The following C10orf90 variants were observed in gnomAD, a reference collection of about 807,000 sequenced individuals.
C10orf90 encodes the protein (E2-independent) E3 ubiquitin-conjugating enzyme FATS.
A neutral mutation model predicts 62.5 loss-of-function variants in C10orf90; 56 were observed. The observed-to-expected ratio is 0.90, with a 90% CI of 0.72 to 1.12. C10orf90 has a LOEUF of 1.12. Ranked by LOEUF, C10orf90 falls within the 50% of genes most tolerant of loss-of-function variation. The probability of loss-of-function intolerance (pLI) is 0.00; values close to 1 mark genes in which losing one functional copy is unlikely to be tolerated. For missense variants in C10orf90, 970 were observed against 880.4 expected, an observed-to-expected ratio of 1.10 and a Z score of -1.29; for synonymous variants, 386 against 340.4, an observed-to-expected ratio of 1.13 and a Z score of -1.47.
intron 2 of C10orf90, among the ~76,000 whole-genome samples, chr10:126,596,822 G>T (rs1845096335): frequency 6.6e-6 from 1 of 152,214 alleles, no homozygotes; most frequent in South Asian, 2.1e-4. Context: ...ACCATCATAA[G>T]TTGGGGACTG....
chr10:126,491,542 G>A lies in C10orf90; in HGVS notation c.1534+12415C>T, dbSNP rs4497314. 5.9e-3 allele frequency among the ~76,000 whole-genome samples: 904 copies of A among 152,070 alleles called. 7 individuals are homozygous for A. The highest frequency in any genetic ancestry group is 0.017 in the Middle Eastern group (5 of 294). ...AATTTGGAAAAAGTATGATGGCATCGGGATTCTCTCACTCCCTAACTCCTG... is the reference window on the plus strand; with the variant it reads ...AATTTGGAAAAAGTATGATGGCATCAGGATTCTCTCACTCCCTAACTCCTG... On this transcript the variant is annotated intron_variant, in intron 4 of 9. Coordinates refer to ENST00000488181, the MANE Select transcript of C10orf90 (RefSeq NM_001350921.2).
chr10:126,456,917 G>A lies in C10orf90; in HGVS notation c.2188+2123C>T, dbSNP rs532816913. On this transcript the variant is annotated intron_variant, in intron 7 of 9. Coordinates refer to ENST00000488181, the MANE Select transcript of C10orf90 (RefSeq NM_001350921.2). The surrounding 1 kb of genome is among the most constrained non-coding windows in gnomAD (Gnocchi z 4.9). The stretch of plus-strand genomic sequence containing the variant: ...AAGTAACCAACCCTGTGGAAACCTC[G>A]GTTTTGACTTCTGGCCTCTAGAACT... Among the ~76,000 whole-genome samples the A allele has an allele frequency of 7.2e-5, 11 of 152,252 alleles. No individual in the cohort carries two copies. In the East Asian group the frequency reaches 1.2e-3, roughly 16 times the overall value.
At chr10:126,458,992 C>A (rs752321283) in intron 7 of C10orf90, 48 bp downstream of exon 7, 2 of 1,564,582 alleles carry the variant, frequency 1.3e-6, no homozygotes, top group Non-Finnish European at 1.7e-6. Flanking sequence ...CTCCAGGAAC[C>A]CCCCATCCCT....
At chr10:126,524,944 A>C in intron 2 of C10orf90, 1 of 732,624 alleles carries the variant, frequency 1.4e-6, no homozygotes, top group Non-Finnish European at 1.7e-6. Flanking sequence ...CATAGTATTG[A>C]AAGTCATAGT....
intron 2 of C10orf90, among the ~76,000 whole-genome samples, chr10:126,602,631 A>G (rs904571249): frequency 6.6e-6 from 1 of 152,208 alleles, no homozygotes; most frequent in Non-Finnish European, 1.5e-5. Context: ...GCCCATAACC[A>G]CACGAGTGCT....
intron 2 of C10orf90, among the ~76,000 whole-genome samples, chr10:126,608,873 C>T (rs1002134984): frequency 6.6e-6 from 1 of 151,702 alleles, no homozygotes; most frequent in African/African-American, 2.4e-5. Flanking sequence ...TCGATTTTTC[C>T]CCAGTTTTAA....
chr10:126,559,094 C>T (rs1251515070), intron 2 of C10orf90, among the ~76,000 whole-genome samples: 2 of 152,218 alleles, frequency 1.3e-5, no homozygotes, highest in African/African-American at 4.8e-5. Context: ...CCATTCTATG[C>T]CAGCTGATAT....
intron 2 of C10orf90, among the ~76,000 whole-genome samples, chr10:126,645,782 C>T (rs577086463): frequency 4.4e-4 from 67 of 152,098 alleles, no homozygotes; most frequent in African/African-American, 1.5e-3. Flanking sequence ...TCTATGTGTG[C>T]GTACATGTAT....
At position 126,466,284 on chromosome 10, in the gene C10orf90, C is replaced by T. The variant is rs112488784; in HGVS notation, c.1535-1298G>A. On this transcript the variant is annotated intron_variant, in intron 4 of 9. Coordinates refer to ENST00000488181, the MANE Select transcript of C10orf90 (RefSeq NM_001350921.2). Reference sequence around the variant, plus strand: ...AATATTCTTGCTTGGGAGGCCGAGGCGGGTGGATCACGAGGTCAGGAGATC... The same window carrying T: ...AATATTCTTGCTTGGGAGGCCGAGGTGGGTGGATCACGAGGTCAGGAGATC... Among the ~76,000 whole-genome samples, 1,199 of 151,932 alleles carry T rather than the reference C, an allele frequency of 7.9e-3. 11 individuals carry two copies. Among genetic ancestry groups the T allele is most frequent in the Non-Finnish European group, 0.012 (798 of 67,968 alleles).
At chr10:126,430,617 G>A (rs1276621929) in intron 7 of C10orf90, among the ~76,000 whole-genome samples, 2 of 152,180 alleles carry the variant, frequency 1.3e-5, no homozygotes, top group African/African-American at 4.8e-5. Context: ...TCTGGCATAT[G>A]TAAATGCTCC....
intron 2 of C10orf90, among the ~76,000 whole-genome samples, chr10:126,544,350 C>A (rs2033699): frequency 0.58 from 88,769 of 151,946 alleles, 26,246 homozygotes; most frequent in African/African-American, 0.65. Context: ...GGTGGCTTCC[C>A]ATCCCCAGCC....
intron 3 of C10orf90, among the ~76,000 whole-genome samples, chr10:126,513,209 A>G (rs1385400727): frequency 6.6e-6 from 1 of 152,228 alleles, no homozygotes; most frequent in Non-Finnish European, 1.5e-5. Flanking sequence ...CAAGCTAAGT[A>G]CAAAAGCTCC....
Position 126,459,023 on chromosome 10 carries a change from A to G in C10orf90, c.2188+17T>C. On this transcript the variant is annotated intron_variant, in intron 7 of 9. Coordinates refer to ENST00000488181, the MANE Select transcript of C10orf90 (RefSeq NM_001350921.2). ...TCCCTGGTCTTTTCCAGTCTCCACAAGCCACCTGCAGCTTACCACTCAGAG... is the reference window on the plus strand; with the variant it reads ...TCCCTGGTCTTTTCCAGTCTCCACAGGCCACCTGCAGCTTACCACTCAGAG... 1.2e-6 allele frequency: 2 copies of G among 1,606,876 alleles called. No homozygotes were observed. Among genetic ancestry groups the G allele is most frequent in the Non-Finnish European group, 1.7e-6 (2 of 1,176,598 alleles).
At chr10:126,664,832 C>CT (rs1317952366) in intron 1 of C10orf90, among the ~76,000 whole-genome samples, 1 of 152,240 alleles carries the variant, frequency 6.6e-6, no homozygotes, top group Admixed American at 6.5e-5. Context: ...CTTCAGACCT[C>CT]TAACTCCTCA....
chr10:126,475,520 G>T (rs560340439), intron 4 of C10orf90, among the ~76,000 whole-genome samples: 7 of 152,136 alleles, frequency 4.6e-5, no homozygotes, highest in African/African-American at 1.7e-4. Flanking sequence ...TAGCATGGCC[G>T]TCATTCTTGT....
chr10:126,668,052 G>T (rs1372383963), intron 1 of C10orf90, among the ~76,000 whole-genome samples: 1 of 152,146 alleles, frequency 6.6e-6, no homozygotes, highest in African/African-American at 2.4e-5. Flanking sequence ...CTGCAGTTCA[G>T]CTGGTGAGAG....
chr10:126,488,078 A>G (rs894805208), intron 4 of C10orf90, among the ~76,000 whole-genome samples: 43 of 152,266 alleles, frequency 2.8e-4, no homozygotes, highest in African/African-American at 9.9e-4. Flanking sequence ...AATTAATTCG[A>G]TACAAGGAAG....
chr10:126,532,762 G>C (rs1025385516), intron 2 of C10orf90, among the ~76,000 whole-genome samples: 2 of 137,020 alleles, frequency 1.5e-5, no homozygotes, highest in African/African-American at 2.8e-5. Flanking sequence ...GCGTGAACCC[G>C]GGAGGCGGAG....
At chr10:126,444,746 G>A (rs1161439728) in intron 7 of C10orf90, among the ~76,000 whole-genome samples, 2 of 152,032 alleles carry the variant, frequency 1.3e-5, no homozygotes, top group African/African-American at 2.4e-5. Context: ...AAATCTGGAG[G>A]CATCACACTA....
Sources: allele counts gnomAD v4.1 joint callset (sites outside exome capture counted in the v4.1 genomes callset), GRCh38; gene constraint gnomAD v4.1.1; non-coding constraint Gnocchi (gnomAD v3.1); transcripts MANE v1.5; gene names NCBI Gene and HGNC (gene_info 2026-07-23, HGNC 2026-07-21).